The following LIPI variants were observed in gnomAD, a reference collection of about 807,000 sequenced individuals.
The protein encoded by LIPI is lipase member I.
Under a neutral mutation model 50.6 loss-of-function variants are expected in LIPI, and 59 were observed. The observed-to-expected ratio is 1.16, with a 90% CI of 0.94 to 1.45. The LOEUF (loss-of-function observed/expected upper bound fraction) is 1.45. LIPI is among the 40% of genes most tolerant of loss of function. The pLI, the probability that LIPI is intolerant of heterozygous loss-of-function variation, is 0.00. For synonymous variants in LIPI, 203 were observed against 178.2 expected (o/e 1.14, Z -1.11); for missense variants, 586 against 536.3 (o/e 1.09, Z -0.92).
Position 14,109,040 on chromosome 21 carries a change from C to G in LIPI, c.1336G>C (p.Glu446Gln), listed in dbSNP as rs2123282651. 6.2e-7 allele frequency: 1 copy of G among 1,600,254 alleles called. No individual in the cohort carries two copies. Among genetic ancestry groups the G allele is most frequent in the East Asian group, 2.2e-5 (1 of 44,672 alleles). Residue 446 changes from glutamate (E) to glutamine (Q), a missense_variant, in exon 10 of 10, where the codon GAG becomes CAG. Physicochemically the swap from Glu to Gln is conservative, Grantham distance 29. Transcript: ENST00000681601. Reference sequence around the variant, plus strand: ...GTGTTTGGATTAAGAAACACTTCCTCTCTGTCTTTAAGTACAATATTATAC... The same window carrying G: ...GTGTTTGGATTAAGAAACACTTCCTGTCTGTCTTTAAGTACAATATTATAC... ...CRYNIVLKDR[E>Q]EVFLNPNTCT...
At chr21:14,173,646 GATAAATAGAT>G (rs2018997452) in intron 4 of LIPI, among the ~76,000 whole-genome samples, 1 of 152,178 alleles carries the variant, frequency 6.6e-6, no homozygotes, top group African/African-American at 2.4e-5. Flanking sequence ...ATAAAACAAA[GATAAATAGAT>G]GGTTCTGACA....
chr21:14,125,366 G>A (rs2017019350), intron 9 of LIPI, among the ~76,000 whole-genome samples: 1 of 152,078 alleles, frequency 6.6e-6, no homozygotes, highest in Non-Finnish European at 1.5e-5. Flanking sequence ...CTGTAATAAA[G>A]TTATAAACCC....
intron 5 of LIPI, among the ~76,000 whole-genome samples, chr21:14,165,877 C>T (rs79406095): frequency 3.9e-5 from 6 of 152,150 alleles, no homozygotes; most frequent in East Asian, 1.9e-4. Context: ...GACCAGTTGC[C>T]GTTGTGGACC....
chr21:14,121,707 G>T (rs1259009742), intron 9 of LIPI, among the ~76,000 whole-genome samples: 1 of 152,146 alleles, frequency 6.6e-6, no homozygotes, highest in Admixed American at 6.5e-5. Flanking sequence ...CACTGTTAAA[G>T]TTGCAAGTAT....
intron 7 of LIPI, among the ~76,000 whole-genome samples, chr21:14,157,697 G>C (rs1250624965): frequency 6.6e-6 from 1 of 151,872 alleles, no homozygotes; most frequent in Non-Finnish European, 1.5e-5. Flanking sequence ...GAAAGAAAGA[G>C]AGAAGGACTC....
intron 9 of LIPI, 108 bp downstream of exon 9, chr21:14,144,515 C>A: frequency 1.6e-6 from 1 of 607,084 alleles, no homozygotes; most frequent in Non-Finnish European, 3.0e-6. Context: ...GTCTGAAATA[C>A]ACAATAAACA....
At chr21:14,181,955 A>G (rs1293020164) in intron 3 of LIPI, 96 bp from the exon 4 acceptor site, 4 of 731,900 alleles carry the variant, frequency 5.5e-6, no homozygotes, top group Admixed American at 4.0e-5. Context: ...CATAAAAAGC[A>G]TTTATACTTT....
At chr21:14,120,178 C>T (rs2016810203) in intron 9 of LIPI, among the ~76,000 whole-genome samples, 1 of 152,098 alleles carries the variant, frequency 6.6e-6, no homozygotes, top group Admixed American at 6.5e-5. Flanking sequence ...CTTAAAAGAC[C>T]CAGATGTTGA....
intron 4 of LIPI, among the ~76,000 whole-genome samples, chr21:14,174,081 A>G (rs942789102): frequency 2.0e-5 from 3 of 152,168 alleles, no homozygotes; most frequent in Admixed American, 2.0e-4. Flanking sequence ...TTCCAAGACT[A>G]GGGGTTTCCA....
intron 9 of LIPI, among the ~76,000 whole-genome samples, chr21:14,141,488 A>G (rs2017707154): frequency 6.6e-6 from 1 of 151,962 alleles, no homozygotes. Flanking sequence ...TTTCTTAACT[A>G]CCATTGAGAA....
chr21:14,174,422 C>T (rs2019021828), intron 4 of LIPI, among the ~76,000 whole-genome samples: 1 of 152,092 alleles, frequency 6.6e-6, no homozygotes, highest in South Asian at 2.1e-4. Flanking sequence ...ATGGGGCTAC[C>T]ACACTAATGT....
chr21:14,132,486 T>A (rs2017333852), intron 9 of LIPI, among the ~76,000 whole-genome samples: 3 of 152,058 alleles, frequency 2.0e-5, no homozygotes, highest in Non-Finnish European at 2.9e-5. Context: ...GCTGCATAAA[T>A]GAAGGAGAAA....
At chr21:14,140,260 G>A (rs2017656936) in intron 9 of LIPI, among the ~76,000 whole-genome samples, 1 of 152,102 alleles carries the variant, frequency 6.6e-6, no homozygotes, top group Non-Finnish European at 1.5e-5. Flanking sequence ...GGAACAAAGA[G>A]ATTTCATGAT....
chr21:14,172,554 A>C (rs565281303), intron 4 of LIPI, among the ~76,000 whole-genome samples: 82 of 152,110 alleles, frequency 5.4e-4, no homozygotes, highest in Admixed American at 1.0e-3. Context: ...TGATGAGTTC[A>C]TGTCCTTTGT....
chr21:14,193,141 A>G (rs1036082844), intron 1 of LIPI, among the ~76,000 whole-genome samples: 8 of 152,084 alleles, frequency 5.3e-5, no homozygotes, highest in Non-Finnish European at 1.2e-4. Flanking sequence ...GAATTTTGTT[A>G]TGGTATTGGA....
chr21:14,204,759 T>A (rs2020178497), intron 1 of LIPI, among the ~76,000 whole-genome samples: 1 of 151,988 alleles, frequency 6.6e-6, no homozygotes, highest in Non-Finnish European at 1.5e-5. Flanking sequence ...ATTATTTGAT[T>A]CTAGTTATAT....
intron 9 of LIPI, among the ~76,000 whole-genome samples, chr21:14,135,424 C>A (rs908665254): frequency 1.3e-5 from 2 of 152,158 alleles, no homozygotes; most frequent in African/African-American, 4.8e-5. Flanking sequence ...AAAATCAGCT[C>A]TGAGTCACTG....
intron 9 of LIPI, among the ~76,000 whole-genome samples, chr21:14,117,590 A>G (rs1332267238): frequency 1.3e-5 from 2 of 152,176 alleles, no homozygotes; most frequent in Non-Finnish European, 2.9e-5. Context: ...AACACTGGAA[A>G]GGTTTCAGAG....
chr21:14,148,268 C>A (rs1353140952), intron 8 of LIPI, among the ~76,000 whole-genome samples: 2 of 151,944 alleles, frequency 1.3e-5, no homozygotes, highest in African/African-American at 4.8e-5. Flanking sequence ...TACAGGTGAT[C>A]CCTATTTTCT....
Sources: gnomAD v4.1 joint callset for allele counts (sites outside exome capture counted in the v4.1 genomes callset) on GRCh38, gnomAD v4.1.1 for gene constraint, MANE v1.5 for transcripts, NCBI Gene and HGNC (gene_info 2026-07-23, HGNC 2026-07-21) for gene names.